COMMD1: variants seen among roughly 807,000 people sequenced by gnomAD.
COMMD1 encodes the protein copper metabolism domain containing 1.
Under a neutral mutation model 17.2 loss-of-function variants are expected in COMMD1, and 10 were observed. The ratio of observed to expected loss-of-function variants is 0.58; its 90% CI spans 0.36 to 0.99. The LOEUF is 0.99. Ranked by LOEUF, COMMD1 falls within the 50% of genes least tolerant of loss-of-function variation. The pLI is 0.01. For synonymous variants in COMMD1, 97 were observed against 91.6 expected (o/e 1.06, Z -0.34); for missense variants, 270 against 231.8 (o/e 1.17, Z -1.07).
chr2:62,068,693 C>T (rs1671121014), intron 2 of COMMD1, among the ~76,000 whole-genome samples: 2 of 146,748 alleles, frequency 1.4e-5, no homozygotes, highest in African/African-American at 5.1e-5. Flanking sequence ...GGCGCGATCT[C>T]GGCTCACTGT....
chr2:62,066,947 A>G (rs1671068103), intron 2 of COMMD1, among the ~76,000 whole-genome samples: 1 of 148,054 alleles, frequency 6.8e-6, no homozygotes, highest in Non-Finnish European at 1.5e-5. Context: ...GCTGATCACA[A>G]ACTCCTGGTC....
intron 2 of COMMD1, among the ~76,000 whole-genome samples, chr2:62,039,940 T>A (rs1420765406): frequency 1.3e-5 from 2 of 152,200 alleles, no homozygotes; most frequent in Non-Finnish European, 2.9e-5. Flanking sequence ...CCTTTGATAA[T>A]CATACCAATA....
chr2:61,948,841 C>A (rs1021913165), intron 1 of COMMD1, among the ~76,000 whole-genome samples: 27 of 152,304 alleles, frequency 1.8e-4, no homozygotes, highest in African/African-American at 6.0e-4. Context: ...GTCCCTGAGT[C>A]CCCTTCAAGA....
chr2:61,990,860 A>G (rs370191552), intron 1 of COMMD1, among the ~76,000 whole-genome samples: 1 of 145,162 alleles, frequency 6.9e-6, no homozygotes, highest in Non-Finnish European at 1.5e-5. Flanking sequence ...AAGCCAAACC[A>G]TATCACTCTG....
chr2:61,988,038 C>G (rs2103771280), intron 1 of COMMD1, among the ~76,000 whole-genome samples: 1 of 152,270 alleles, frequency 6.6e-6, no homozygotes, highest in South Asian at 2.1e-4. Flanking sequence ...GCTTCCAAAT[C>G]TGCAACTCAC....
intron 2 of COMMD1, among the ~76,000 whole-genome samples, chr2:62,004,071 C>T (rs1008671434): frequency 6.6e-6 from 1 of 151,840 alleles, no homozygotes; most frequent in Non-Finnish European, 1.5e-5. Context: ...GAGGTTGCAG[C>T]AAGCCAAGAT....
intron 2 of COMMD1, among the ~76,000 whole-genome samples, chr2:62,134,287 T>C (rs1244974754): frequency 6.6e-6 from 1 of 152,170 alleles, no homozygotes; most frequent in Non-Finnish European, 1.5e-5. Context: ...GAAAAGAACA[T>C]TGACTTAGTG....
intron 1 of COMMD1, among the ~76,000 whole-genome samples, chr2:61,953,070 CA>C (rs1671100029): frequency 2.0e-5 from 3 of 152,114 alleles, no homozygotes; most frequent in Admixed American, 6.5e-5. Flanking sequence ...AGTGCAGTGG[CA>C]TGATCTCAGC....
At chr2:61,888,801 A>G (rs1397994980) in exon 1 of COMMD1, 1 of 446,542 alleles carries the variant, frequency 2.2e-6, no homozygotes, top group East Asian at 4.2e-5. Flanking sequence ...GGGAACCTTT[A>G]CGCGAGGCAG....
intron 1 of COMMD1, among the ~76,000 whole-genome samples, chr2:61,964,014 G>A (rs1274539960): frequency 6.6e-6 from 1 of 152,138 alleles, no homozygotes; most frequent in Non-Finnish European, 1.5e-5. Context: ...CTCTTCTTCG[G>A]TTTCCAACCT....
chr2:61,909,275 C>G (rs1669846397), intron 1 of COMMD1, among the ~76,000 whole-genome samples: 1 of 152,112 alleles, frequency 6.6e-6, no homozygotes, highest in African/African-American at 2.4e-5. Flanking sequence ...CCTCTATCTG[C>G]AGTAAGAGGG....
At chr2:62,038,738 G>A (rs569166826) in intron 2 of COMMD1, among the ~76,000 whole-genome samples, 14 of 152,012 alleles carry the variant, frequency 9.2e-5, no homozygotes, top group African/African-American at 2.9e-4. Context: ...TAGTAGAGCC[G>A]GGGTTTCACC....
intron 1 of COMMD1, among the ~76,000 whole-genome samples, chr2:61,979,566 A>C (rs148152451): frequency 9.9e-5 from 15 of 152,276 alleles, no homozygotes; most frequent in African/African-American, 3.6e-4. Context: ...AGGATATCGA[A>C]GAGATATCTG....
At chr2:62,005,308 A>G (rs1222785031) in intron 2 of COMMD1, among the ~76,000 whole-genome samples, 1 of 152,232 alleles carries the variant, frequency 6.6e-6, no homozygotes, top group Non-Finnish European at 1.5e-5. Flanking sequence ...TGTAATTTGT[A>G]GAGTGCTTGA....
At chr2:61,953,072 T>TGGAGTGCA (rs1671100212) in intron 1 of COMMD1, among the ~76,000 whole-genome samples, 3 of 151,170 alleles carry the variant, frequency 2.0e-5, no homozygotes, top group Admixed American at 6.6e-5. Context: ...TGCAGTGGCA[T>TGGAGTGCA]GATCTCAGCT....
chr2:61,953,562 G>A (rs533609560), intron 1 of COMMD1, among the ~76,000 whole-genome samples: 127 of 151,762 alleles, frequency 8.4e-4, no homozygotes, highest in South Asian at 1.9e-3. Flanking sequence ...TAGAGACAGG[G>A]TTTCACCATG....
intron 2 of COMMD1, among the ~76,000 whole-genome samples, chr2:62,013,958 C>G (rs1220273518): frequency 6.6e-6 from 1 of 152,184 alleles, no homozygotes; most frequent in Non-Finnish European, 1.5e-5. Flanking sequence ...TCTCAACTTA[C>G]AGAGAGATGC....
intron 2 of COMMD1, among the ~76,000 whole-genome samples, chr2:62,124,785 A>G (rs1672844778): frequency 6.6e-6 from 1 of 152,114 alleles, no homozygotes; most frequent in Non-Finnish European, 1.5e-5. Context: ...CCTGGCCTCA[A>G]GCAATCCACC....
At chr2:61,900,186 A>G (rs975758257) in intron 1 of COMMD1, among the ~76,000 whole-genome samples, 2 of 152,210 alleles carry the variant, frequency 1.3e-5, no homozygotes, top group African/African-American at 4.8e-5. Context: ...TCAGATTACA[A>G]TTTTATGCAT....
Sources: allele counts gnomAD v4.1 joint callset (sites outside exome capture counted in the v4.1 genomes callset), GRCh38; gene constraint gnomAD v4.1.1; transcripts MANE v1.5; gene names NCBI Gene and HGNC (gene_info 2026-07-23, HGNC 2026-07-21).